PCDH9: variants seen among roughly 807,000 people sequenced by gnomAD.
The protein encoded by PCDH9 is protocadherin 9, also known as protocadherin-9.
Under a neutral mutation model 70.6 loss-of-function variants are expected in PCDH9, and 24 were observed. The observed-to-expected ratio is 0.34, with a 90% CI of 0.25 to 0.48. PCDH9 has a LOEUF of 0.48. PCDH9 is among the 20% of genes least tolerant of loss of function. The pLI is 0.99. For missense variants in PCDH9, 1,281 were observed against 1,503.6 expected, an observed-to-expected ratio of 0.85 and a Z score of 2.45; for synonymous variants, 562 against 558.5, an observed-to-expected ratio of 1.01 and a Z score of -0.09.
intron 2 of PCDH9, among the ~76,000 whole-genome samples, chr13:66,951,619 C>T (rs1056585900): frequency 6.6e-6 from 1 of 152,134 alleles, no homozygotes; most frequent in Non-Finnish European, 1.5e-5. Context: ...AATGTTCTCC[C>T]AGGGCCCATC....
intron 4 of PCDH9, among the ~76,000 whole-genome samples, chr13:66,423,797 T>C (rs1957616150): frequency 1.3e-5 from 2 of 152,160 alleles, no homozygotes; most frequent in Admixed American, 6.5e-5. Context: ...TCACCACTCC[T>C]ATTCAACATA....
intron 2 of PCDH9, among the ~76,000 whole-genome samples, chr13:67,013,470 C>T (rs1212520887): frequency 6.6e-6 from 1 of 151,930 alleles, no homozygotes; most frequent in African/African-American, 2.4e-5. Context: ...TGGTAAACAG[C>T]TGCATGCATA....
chr13:66,840,421 T>G (rs1242411893), intron 3 of PCDH9, among the ~76,000 whole-genome samples: 1 of 152,092 alleles, frequency 6.6e-6, no homozygotes, highest in Admixed American at 6.6e-5. Flanking sequence ...GATATGTTTA[T>G]GTAAGGTTAA....
At chr13:66,698,593 A>T (rs1277717204) in intron 3 of PCDH9, among the ~76,000 whole-genome samples, 1 of 152,018 alleles carries the variant, frequency 6.6e-6, no homozygotes, top group Non-Finnish European at 1.5e-5. Flanking sequence ...TATTTTATTA[A>T]TTCGAGACAG....
intron 2 of PCDH9, among the ~76,000 whole-genome samples, chr13:67,073,823 A>C (rs930594125): frequency 7.9e-5 from 12 of 152,050 alleles, no homozygotes; most frequent in Admixed American, 6.6e-5. Flanking sequence ...TCTAATAAAC[A>C]CCCAGGTTTT....
chr13:66,656,782 T>A lies in PCDH9; in HGVS notation c.3139-25371A>T, dbSNP rs575671445. ...TATTTACAAAATTCCAAGTTTGAAA[T>A]TTTTTTATGATATGAGTTAGGTACA... is the stretch of plus-strand genomic sequence containing the variant. On this transcript the variant is annotated intron_variant, in intron 3 of 4. Transcript: ENST00000377865. Among the ~76,000 whole-genome samples the A allele has an allele frequency of 3.2e-4, 48 of 152,294 alleles. No individual in the cohort carries two copies. In the South Asian group the frequency reaches 9.7e-3, roughly 31 times the overall value.
chr13:67,113,104 G>T (rs1000084913), intron 2 of PCDH9, among the ~76,000 whole-genome samples: 1 of 152,040 alleles, frequency 6.6e-6, no homozygotes. Flanking sequence ...GACCTTGGTG[G>T]AATCTTATTT....
At chr13:67,184,479 A>G (rs753540872) in intron 2 of PCDH9, among the ~76,000 whole-genome samples, 1 of 152,194 alleles carries the variant, frequency 6.6e-6, no homozygotes, top group Non-Finnish European at 1.5e-5. Context: ...TTGTAATCAC[A>G]GAACTCTGGG....
At chr13:66,328,266 A>G (rs1302648419) in intron 4 of PCDH9, among the ~76,000 whole-genome samples, 4 of 152,166 alleles carry the variant, frequency 2.6e-5, no homozygotes, top group African/African-American at 9.7e-5. Context: ...TATAGAAATC[A>G]AACCAGGAAT....
chr13:66,342,219 T>C (rs566311182), intron 4 of PCDH9, among the ~76,000 whole-genome samples: 1 of 152,352 alleles, frequency 6.6e-6, no homozygotes, highest in South Asian at 2.1e-4. Context: ...CTTAAGAACA[T>C]GTTTCAATGT....
chr13:66,598,381 C>G (rs891288403), intron 4 of PCDH9, among the ~76,000 whole-genome samples: 30 of 151,588 alleles, frequency 2.0e-4, no homozygotes, highest in African/African-American at 6.8e-4. Context: ...AAACAAAAGA[C>G]AAGTTGATAG....
At chr13:67,071,930 T>C (rs2085773875) in intron 2 of PCDH9, among the ~76,000 whole-genome samples, 2 of 146,094 alleles carry the variant, frequency 1.4e-5, no homozygotes, top group South Asian at 4.3e-4. Flanking sequence ...TTAAATAAAA[T>C]GGTTCAATAA....
intron 2 of PCDH9, among the ~76,000 whole-genome samples, chr13:67,182,881 T>C (rs978094698): frequency 6.6e-5 from 10 of 152,240 alleles, no homozygotes; most frequent in Non-Finnish European, 1.2e-4. Context: ...TTCCATGGAA[T>C]GTTGGAAGGA....
At chr13:67,023,522 C>T (rs1179458011) in intron 2 of PCDH9, among the ~76,000 whole-genome samples, 1 of 152,124 alleles carries the variant, frequency 6.6e-6, no homozygotes, top group Non-Finnish European at 1.5e-5. Flanking sequence ...CACCCAATAG[C>T]CAAGTCAAGA....
intron 4 of PCDH9, among the ~76,000 whole-genome samples, chr13:66,584,611 C>G (rs889826858): frequency 1.3e-5 from 2 of 152,124 alleles, no homozygotes; most frequent in Non-Finnish European, 2.9e-5. Flanking sequence ...ATATATTTTT[C>G]TAGATCATTT....
At chr13:66,687,154 G>A (rs544578497) in intron 3 of PCDH9, among the ~76,000 whole-genome samples, 114 of 152,252 alleles carry the variant, frequency 7.5e-4, no homozygotes, top group Non-Finnish European at 1.4e-3. Context: ...AATAAGCCAA[G>A]TTTTGTTTGT....
chr13:66,629,742 A>C (rs1049016430), intron 4 of PCDH9, among the ~76,000 whole-genome samples: 1 of 152,260 alleles, frequency 6.6e-6, no homozygotes, highest in Non-Finnish European at 1.5e-5. Flanking sequence ...TGCCTTGAGT[A>C]GAGAAAATTC....
chr13:66,881,401 C>T (rs936966886), intron 3 of PCDH9, among the ~76,000 whole-genome samples: 1 of 152,102 alleles, frequency 6.6e-6, no homozygotes, highest in African/African-American at 2.4e-5. Flanking sequence ...TTGTGAAGGG[C>T]AACTCCCACT....
At chr13:66,620,653 T>C (rs1044838902) in intron 4 of PCDH9, among the ~76,000 whole-genome samples, 3 of 152,212 alleles carry the variant, frequency 2.0e-5, no homozygotes, top group Non-Finnish European at 4.4e-5. Context: ...ACACTAATTT[T>C]ATTGGTATCT....
Sources: allele counts gnomAD v4.1 joint callset (sites outside exome capture counted in the v4.1 genomes callset), GRCh38; gene constraint gnomAD v4.1.1; transcripts MANE v1.5; gene names NCBI Gene and HGNC (gene_info 2026-07-23, HGNC 2026-07-21).